The following CCR6 variants were observed in gnomAD, a reference collection of about 807,000 sequenced individuals.
CCR6 encodes C-C chemokine receptor type 6.
Under a neutral mutation model 3.0 loss-of-function variants are expected in CCR6, and 2 were observed. That is an observed-to-expected ratio of 0.66 (90% CI 0.27 to 2.07). CCR6 has a LOEUF of 2.07. CCR6 is among the 30% of genes most tolerant of loss of function. The probability of loss-of-function intolerance (pLI) is 0.14; values close to 1 mark genes in which losing one functional copy is unlikely to be tolerated. For missense variants in CCR6, 322 were observed against 462.8 expected, an observed-to-expected ratio of 0.70 and a Z score of 2.79; for synonymous variants, 193 against 184.3, an observed-to-expected ratio of 1.05 and a Z score of -0.38.
At chr6:167,120,288 C>T (rs1781566923), upstream of CCR6, among the ~76,000 whole-genome samples, 1 of 152,202 alleles carries the variant, frequency 6.6e-6, no homozygotes, top group South Asian at 2.1e-4. Flanking sequence ...CCTGGTATCT[C>T]AGCAAGAATT....
At chr6:167,112,961 C>T (rs1438449071) in intron 1 of CCR6, among the ~76,000 whole-genome samples, 1 of 151,680 alleles carries the variant, frequency 6.6e-6, no homozygotes, top group African/African-American at 2.4e-5. Flanking sequence ...ATCAGTTTCA[C>T]TGTGTTGTGG....
chr6:167,120,958 G>A (rs1327611991), upstream of CCR6: 1 of 152,236 alleles, frequency 6.6e-6, no homozygotes, highest in Admixed American at 6.5e-5. Context: ...AGGAATATGG[G>A]GCAAAGGACA....
At chr6:167,113,712 A>C (rs6931530) in intron 1 of CCR6, among the ~76,000 whole-genome samples, 69,934 of 152,074 alleles carry the variant, frequency 0.46, 16,297 homozygotes, top group Admixed American at 0.53. Flanking sequence ...TTAGTTGAAA[A>C]TTAATTTGGA....
chr6:167,136,038 A>T lies in CCR6; in HGVS notation c.-97A>T. On this transcript the variant is annotated splice_region_variant and 5_prime_UTR_variant, in exon 2 of 3. Transcript: ENST00000341935. The surrounding 1 kb of genome is among the most constrained non-coding windows in gnomAD (Gnocchi z 4.6). ...GCATTTTGCCTTCTTTCCTTCTTAG[A>T]GTCACCTCTACTTTCCTGCTACCGC... 1 of 1,386,274 alleles carries T rather than the reference A, an allele frequency of 7.2e-7. No homozygotes were observed. Among genetic ancestry groups the T allele is most frequent in the South Asian group, 1.3e-5 (1 of 76,076 alleles). 85.9% of individuals were successfully genotyped at this position (1,386,274 alleles called of 1,614,324 possible). A position where few individuals can be genotyped will look rare whatever the true frequency, so the allele number is the denominator to read the frequency against.
At chr6:167,128,272 C>T (rs1178849086) in intron 1 of CCR6, among the ~76,000 whole-genome samples, 1 of 152,238 alleles carries the variant, frequency 6.6e-6, no homozygotes, top group East Asian at 1.9e-4. Flanking sequence ...GGGCAGGGGG[C>T]CATGATTCCG....
chr6:167,124,265 G>GGAAAAAA (rs10683579), intron 1 of CCR6, among the ~76,000 whole-genome samples: 1 of 135,660 alleles, frequency 7.4e-6, no homozygotes. Context: ...TAAAGGAACT[G>GGAAAAAA]AAAAAAAAAA....
At chr6:167,135,730 A>T (rs1270845814) in intron 1 of CCR6, among the ~76,000 whole-genome samples, 2 of 152,200 alleles carry the variant, frequency 1.3e-5, no homozygotes, top group Non-Finnish European at 2.9e-5. Context: ...GGGTTGGCAA[A>T]TTATAGCCTC....
chr6:167,126,893 G>A (rs971119658), intron 1 of CCR6, among the ~76,000 whole-genome samples: 10 of 152,178 alleles, frequency 6.6e-5, no homozygotes, highest in African/African-American at 2.4e-4. Context: ...CTGCCATCAT[G>A]TGAAGAAGGA....
chr6:167,134,207 C>T (rs945622537), intron 1 of CCR6, among the ~76,000 whole-genome samples: 1 of 151,904 alleles, frequency 6.6e-6, no homozygotes, highest in South Asian at 2.1e-4. Flanking sequence ...CAGCAGGGTG[C>T]CTTTGGTCTC....
chr6:167,134,104 T>C (rs761699478), intron 1 of CCR6, among the ~76,000 whole-genome samples: 8 of 151,814 alleles, frequency 5.3e-5, no homozygotes, highest in Admixed American at 2.6e-4. Context: ...CTGTATTTGT[T>C]CTCCTCCTGC....
intron 1 of CCR6, among the ~76,000 whole-genome samples, chr6:167,123,741 G>A (rs1010641364): frequency 4.6e-5 from 7 of 152,282 alleles, no homozygotes; most frequent in South Asian, 2.1e-4. Flanking sequence ...CAGTTGCAAA[G>A]CTCTCATGAG....
Position 167,136,395 on chromosome 6 carries a change from G to A in CCR6, c.165G>A (p.Leu55=). ...SRLFVPIAYS[L]ICVFGLLGNI... The stretch of plus-strand genomic sequence containing the variant: ...TATTTGTACCGATTGCCTACTCCTT[G>A]ATCTGTGTCTTTGGCCTCCTGGGGA... Residue 55 remains leucine (L), a synonymous_variant, in exon 3 of 3, where the codon TTG becomes TTA. Coordinates refer to ENST00000341935, the MANE Select transcript of CCR6 (RefSeq NM_031409.4). This position sits in a 1 kb window ranked among gnomAD's most constrained non-coding sequence, Gnocchi z 4.6. 6.2e-7 allele frequency: 1 copy of A among 1,614,106 alleles called. No homozygotes were observed. Among genetic ancestry groups the A allele is most frequent in the Non-Finnish European group, 8.5e-7 (1 of 1,180,004 alleles).
intron 1 of CCR6, chr6:167,127,443 T>C (rs370691855): frequency 3.9e-5 from 6 of 152,262 alleles, no homozygotes; most frequent in Admixed American, 2.6e-4. Flanking sequence ...AGAGAAATCA[T>C]TTCCCACCCC....
upstream of CCR6, among the ~76,000 whole-genome samples, chr6:167,119,032 T>C (rs1159875038): frequency 6.6e-6 from 1 of 152,206 alleles, no homozygotes; most frequent in Non-Finnish European, 1.5e-5. Context: ...TTTGTATTGC[T>C]GCCAGCCTTC....
chr6:167,133,574 G>A (rs1270074623), intron 1 of CCR6, among the ~76,000 whole-genome samples: 3 of 150,034 alleles, frequency 2.0e-5, no homozygotes, highest in Non-Finnish European at 4.4e-5. Context: ...AAATTGTTTT[G>A]GCTATTTTAA....
intron 1 of CCR6, among the ~76,000 whole-genome samples, chr6:167,125,800 T>C (rs1201395414): frequency 6.6e-6 from 1 of 152,212 alleles, no homozygotes; most frequent in Non-Finnish European, 1.5e-5. Flanking sequence ...ATATTGTACC[T>C]AATAAAAGTT....
At chr6:167,130,888 C>G (rs1781742561) in intron 1 of CCR6, among the ~76,000 whole-genome samples, 2 of 146,708 alleles carry the variant, frequency 1.4e-5, no homozygotes, top group African/African-American at 5.4e-5. Flanking sequence ...GCCCTGTGGC[C>G]TGTGTATCTG....
chr6:167,128,362 A>G (rs574759853), intron 1 of CCR6, among the ~76,000 whole-genome samples: 2 of 152,286 alleles, frequency 1.3e-5, no homozygotes, highest in East Asian at 1.9e-4. Flanking sequence ...CGCTCTATCT[A>G]TTATTGGGTT....
At position 167,137,034 on chromosome 6, in the gene CCR6, TC is replaced by T; in HGVS notation, c.806del (p.Pro269LeufsTer8). ...VVLVFLACQI[P>X]HNMVLLVTAA... The stretch of plus-strand genomic sequence containing the variant: ...TGCTTGTGTTTCTGGCTTGTCAGAT[TC>T]CTCATAACATGGTCCTGCTTGTGAC... On this transcript the variant is annotated frameshift_variant, in exon 3 of 3. Transcript: ENST00000341935. LOFTEE classifies it low-confidence loss of function (END_TRUNC). This position sits in a 1 kb window ranked among gnomAD's most constrained non-coding sequence, Gnocchi z 4.6. 1 of 1,614,182 alleles carries T rather than the reference TC, an allele frequency of 6.2e-7. No individual in the cohort carries two copies. Among genetic ancestry groups the T allele is most frequent in the East Asian group, 2.2e-5 (1 of 44,890 alleles).
Sources: allele counts gnomAD v4.1 joint callset (sites outside exome capture counted in the v4.1 genomes callset), GRCh38; gene constraint gnomAD v4.1.1; non-coding constraint Gnocchi (gnomAD v3.1); transcripts MANE v1.5; gene names NCBI Gene and HGNC (gene_info 2026-07-23, HGNC 2026-07-21).